Variants in SAXO1 observed in about 807,000 individuals in gnomAD.
SAXO1 encodes stabilizer of axonemal microtubules 1.
SAXO1 carries 21 observed loss-of-function variants against 17.5 expected under a neutral mutation model. That is an observed-to-expected ratio of 1.20 (90% CI 0.85 to 1.72). The LOEUF (loss-of-function observed/expected upper bound fraction) is 1.72. Among genes scored for constraint, SAXO1 ranks in the 40% most tolerant of loss-of-function variants. The pLI, the probability that SAXO1 is intolerant of heterozygous loss-of-function variation, is 0.00. For synonymous variants in SAXO1, 274 were observed against 216.5 expected (o/e 1.27, Z -2.33); for missense variants, 843 against 596.0 (o/e 1.41, Z -4.32).
chr9:18,952,395 T>C (rs1294387341), intron 1 of SAXO1, among the ~76,000 whole-genome samples: 1 of 152,222 alleles, frequency 6.6e-6, no homozygotes, highest in Non-Finnish European at 1.5e-5. Flanking sequence ...ACTGCTCTAA[T>C]GTAAAGCTAT....
intron 1 of SAXO1, among the ~76,000 whole-genome samples, chr9:19,010,269 C>T (rs930728533): frequency 2.2e-4 from 34 of 152,274 alleles, no homozygotes; most frequent in African/African-American, 7.7e-4. Flanking sequence ...ACCAGTGCCA[C>T]GTGCAGTAGA....
At chr9:18,945,088 C>A (rs1563934212) in intron 2 of SAXO1, among the ~76,000 whole-genome samples, 1 of 152,142 alleles carries the variant, frequency 6.6e-6, no homozygotes, top group African/African-American at 2.4e-5. Flanking sequence ...TACCTCCCAT[C>A]TTTAAAGGTA....
intron 1 of SAXO1, among the ~76,000 whole-genome samples, chr9:18,969,870 G>A (rs962994851): frequency 6.6e-6 from 1 of 152,244 alleles, no homozygotes; most frequent in African/African-American, 2.4e-5. Context: ...GGCCAATGGG[G>A]TTAAGAACCT....
At chr9:18,965,784 A>G (rs1320830220) in intron 1 of SAXO1, among the ~76,000 whole-genome samples, 2 of 152,180 alleles carry the variant, frequency 1.3e-5, no homozygotes, top group African/African-American at 2.4e-5. Flanking sequence ...TGATCCTGTC[A>G]TTATGATGCT....
intron 1 of SAXO1, among the ~76,000 whole-genome samples, chr9:19,017,557 G>A (rs1835032800): frequency 6.6e-6 from 1 of 152,170 alleles, no homozygotes; most frequent in Non-Finnish European, 1.5e-5. Context: ...GAGTGATTTG[G>A]GCTGTGGCTC....
At chr9:18,954,670 A>T (rs1357046668) in intron 1 of SAXO1, among the ~76,000 whole-genome samples, 1 of 151,930 alleles carries the variant, frequency 6.6e-6, no homozygotes. Flanking sequence ...GAAAGGGGGC[A>T]TGGGAAATAT....
chr9:18,989,054 A>G (rs966597277), intron 1 of SAXO1, among the ~76,000 whole-genome samples: 2 of 152,190 alleles, frequency 1.3e-5, no homozygotes, highest in Non-Finnish European at 2.9e-5. Context: ...AGGGACCAAA[A>G]AAAACAGCTA....
At chr9:18,939,037 G>A (rs1437316219) in intron 3 of SAXO1, among the ~76,000 whole-genome samples, 1 of 151,936 alleles carries the variant, frequency 6.6e-6, no homozygotes, top group Non-Finnish European at 1.5e-5. Context: ...GAACTGACAG[G>A]CAGGAGCTCT....
chr9:19,011,991 G>C (rs573063718), intron 1 of SAXO1, among the ~76,000 whole-genome samples: 1 of 151,830 alleles, frequency 6.6e-6, no homozygotes, highest in African/African-American at 2.4e-5. Flanking sequence ...GACTACAGGC[G>C]CAGGTCACCA....
At chr9:18,944,750 G>A (rs1831717322) in intron 2 of SAXO1, among the ~76,000 whole-genome samples, 4 of 152,198 alleles carry the variant, frequency 2.6e-5, no homozygotes, top group Admixed American at 1.3e-4. Context: ...ACAACTCTCT[G>A]ACAAAAGGAA....
intron 1 of SAXO1, among the ~76,000 whole-genome samples, chr9:18,955,134 T>G (rs1405659211): frequency 2.0e-5 from 3 of 152,304 alleles, no homozygotes; most frequent in African/African-American, 7.2e-5. Flanking sequence ...AGTTCAAGGC[T>G]GTAGTGTGCT....
At position 18,941,694 on chromosome 9, in the gene SAXO1, G is replaced by A; in HGVS notation, c.364C>T (p.Pro122Ser). 1 of 1,614,144 alleles carries A rather than the reference G, an allele frequency of 6.2e-7. No homozygotes were observed. Among genetic ancestry groups the A allele is most frequent in the Non-Finnish European group, 8.5e-7 (1 of 1,180,032 alleles). The change falls in exon 3 of 4, where the codon CCT (proline) becomes TCT (serine). Residue 122 changes from proline (P) to serine (S), a missense_variant. Coordinates refer to ENST00000380534, the MANE Select transcript of SAXO1 (RefSeq NM_153707.4). Reference sequence around the variant, plus strand: ...CTACATGGATATTTACTGTCCCGAGGTTTGATGGGGTCCACTCGACAGACA... The same window carrying A: ...CTACATGGATATTTACTGTCCCGAGATTTGATGGGGTCCACTCGACAGACA... ...YPVCRVDPIK[P>S]RDSKYPCSDK...
upstream of SAXO1, among the ~76,000 whole-genome samples, chr9:19,034,279 G>GA (rs967835828): frequency 6.6e-6 from 1 of 152,040 alleles, no homozygotes; most frequent in South Asian, 2.1e-4. Flanking sequence ...TGTGTGGGGG[G>GA]GGTTAGGTTT....
intron 2 of SAXO1, among the ~76,000 whole-genome samples, chr9:18,950,093 C>A (rs1394854350): frequency 3.3e-5 from 5 of 152,138 alleles, no homozygotes; most frequent in African/African-American, 9.7e-5. Flanking sequence ...TAGACCAACC[C>A]TGAACTGATA....
chr9:18,966,378 A>G (rs566110850), intron 1 of SAXO1, among the ~76,000 whole-genome samples: 6 of 152,320 alleles, frequency 3.9e-5, no homozygotes, highest in African/African-American at 1.4e-4. Context: ...AGGTATACCA[A>G]TCAAAAGTGG....
chr9:19,020,571 C>T (rs1317236993), intron 1 of SAXO1, among the ~76,000 whole-genome samples: 1 of 152,120 alleles, frequency 6.6e-6, no homozygotes, highest in South Asian at 2.1e-4. Context: ...GCAGCCCAGG[C>T]TGGTCTTGAA....
intron 1 of SAXO1, 63 bp downstream of exon 1, chr9:19,032,807 TC>T: frequency 1.9e-6 from 3 of 1,568,258 alleles, no homozygotes; most frequent in Non-Finnish European, 2.6e-6. Context: ...GGGGGAGGCT[TC>T]CCTTCCTCGG....
chr9:18,932,698 T>C (rs1831106716), intron 3 of SAXO1, among the ~76,000 whole-genome samples: 1 of 152,214 alleles, frequency 6.6e-6, no homozygotes, highest in Non-Finnish European at 1.5e-5. Flanking sequence ...GTTCAGATTT[T>C]AATTTCTCCC....
chr9:18,929,020 G>A lies in SAXO1; in HGVS notation c.457C>T (p.Pro153Ser). 1 of 1,614,182 alleles carries A rather than the reference G, an allele frequency of 6.2e-7. No homozygotes were observed. Among genetic ancestry groups the A allele is most frequent in the Non-Finnish European group, 8.5e-7 (1 of 1,180,038 alleles). Residue 153 changes from proline to serine, a missense_variant, in exon 4 of 4, where the codon CCA becomes TCA. Transcript: ENST00000380534. ...TGGTATTTGTGTTCCAGACGAAGTG[G>A]CTCTCGCCTTGGTTGGTTCCAAGGC... ...YLPWNQPRRE[P>S]LRLEHKYQPA... is the part of the protein sequence containing the mutation.
Sources: gnomAD v4.1 joint callset for allele counts (sites outside exome capture counted in the v4.1 genomes callset) on GRCh38, gnomAD v4.1.1 for gene constraint, MANE v1.5 for transcripts, NCBI Gene and HGNC (gene_info 2026-07-23, HGNC 2026-07-21) for gene names.